KCNJ6: variants seen among roughly 807,000 people sequenced by gnomAD.
KCNJ6 encodes potassium inwardly rectifying channel subfamily J member 6, also known as G protein-activated inward rectifier potassium channel 2.
In KCNJ6, 9 loss-of-function variants were observed where a neutral mutation model predicts 34.2. The ratio of observed to expected loss-of-function variants is 0.26; its 90% CI spans 0.16 to 0.46. The LOEUF (loss-of-function observed/expected upper bound fraction) is 0.46, where lower values mean the gene tolerates loss of function less well. Among genes scored for constraint, KCNJ6 ranks in the 20% least tolerant of loss-of-function variants. KCNJ6 has a pLI of 1.00. For synonymous variants in KCNJ6, 196 were observed against 207.1 expected (o/e 0.95, Z 0.46); for missense variants, 236 against 531.3 (o/e 0.44, Z 5.46).
At chr21:37,810,761 G>T (rs1051789474) in intron 2 of KCNJ6, among the ~76,000 whole-genome samples, 8 of 152,146 alleles carry the variant, frequency 5.3e-5, no homozygotes, top group Non-Finnish European at 1.0e-4. Flanking sequence ...TTTATAATAA[G>T]ATATACATAT....
At chr21:37,759,996 C>T (rs1207678246) in intron 2 of KCNJ6, among the ~76,000 whole-genome samples, 1 of 152,200 alleles carries the variant, frequency 6.6e-6, no homozygotes, top group African/African-American at 2.4e-5. Context: ...CCCAGAGGCC[C>T]ATGTCAGAAG....
chr21:37,752,514 AG>A lies in KCNJ6; in HGVS notation c.26-37384del, dbSNP rs201003264. 6.1e-4 allele frequency among the ~76,000 whole-genome samples: 93 copies of A among 152,298 alleles called. 2 individuals carry two copies. In the East Asian group the frequency reaches 0.017, roughly 27 times the overall value. On this transcript the variant is annotated intron_variant, in intron 2 of 3. Transcript: ENST00000609713. ...ATACAGAGGGAAGGCATTAAGCAGA[AG>A]CTTTTAAGGAGAGGGAAAGAGAGGA... is the stretch of plus-strand genomic sequence containing the variant.
At chr21:37,656,292 C>T (rs1041818569) in intron 3 of KCNJ6, among the ~76,000 whole-genome samples, 3 of 152,202 alleles carry the variant, frequency 2.0e-5, no homozygotes, top group Non-Finnish European at 4.4e-5. Flanking sequence ...TCTTGACAAG[C>T]TCCTCACACA....
chr21:37,651,665 C>G (rs1186221100), intron 3 of KCNJ6, among the ~76,000 whole-genome samples: 1 of 152,188 alleles, frequency 6.6e-6, no homozygotes, highest in African/African-American at 2.4e-5. Context: ...GGTTTCTGGA[C>G]TGAGCACCTG....
At chr21:37,687,221 G>A (rs930700049) in intron 3 of KCNJ6, among the ~76,000 whole-genome samples, 1 of 152,086 alleles carries the variant, frequency 6.6e-6, no homozygotes, top group African/African-American at 2.4e-5. Context: ...GAAAGGCTAA[G>A]GGTAGCGTCC....
chr21:37,801,463 G>A (rs1378569473), intron 2 of KCNJ6, among the ~76,000 whole-genome samples: 3 of 152,186 alleles, frequency 2.0e-5, no homozygotes, highest in Non-Finnish European at 4.4e-5. Flanking sequence ...TGCTTGCCAT[G>A]CACAACTGCA....
At chr21:37,876,201 C>G (rs975796425) in intron 1 of KCNJ6, among the ~76,000 whole-genome samples, 1 of 152,198 alleles carries the variant, frequency 6.6e-6, no homozygotes, top group Non-Finnish European at 1.5e-5. Flanking sequence ...CTGTGCCAGG[C>G]TCTAAGGTAC....
chr21:37,827,127 T>C (rs2055402863), intron 2 of KCNJ6, among the ~76,000 whole-genome samples: 1 of 152,174 alleles, frequency 6.6e-6, no homozygotes, highest in Non-Finnish European at 1.5e-5. Context: ...AAAATATCCC[T>C]AGCAACTAAG....
intron 2 of KCNJ6, among the ~76,000 whole-genome samples, chr21:37,816,093 C>G (rs529841378): frequency 2.0e-5 from 3 of 152,118 alleles, no homozygotes; most frequent in Admixed American, 6.5e-5. Flanking sequence ...ATGCAGGGGC[C>G]GAGACCAGAG....
intron 3 of KCNJ6, among the ~76,000 whole-genome samples, chr21:37,649,132 C>CAAAAAAAAAAA (rs1169306298): frequency 5.3e-4 from 21 of 39,874 alleles, no homozygotes; most frequent in Admixed American, 8.2e-4. Flanking sequence ...GACTCCATCT[C>CAAAAAAAAAAA]AAAAAAAAAA....
At chr21:37,705,684 A>T (rs770679397) in intron 3 of KCNJ6, among the ~76,000 whole-genome samples, 1 of 152,234 alleles carries the variant, frequency 6.6e-6, no homozygotes, top group Non-Finnish European at 1.5e-5. Context: ...ATACTCAATC[A>T]CAGGGATAGT....
intron 3 of KCNJ6, among the ~76,000 whole-genome samples, chr21:37,647,831 A>G (rs1277084648): frequency 6.6e-6 from 1 of 152,150 alleles, no homozygotes; most frequent in Non-Finnish European, 1.5e-5. Flanking sequence ...TGTGGCCCCG[A>G]CTTTGGGAAC....
At chr21:37,726,001 G>A (rs2054852507) in intron 2 of KCNJ6, among the ~76,000 whole-genome samples, 1 of 152,180 alleles carries the variant, frequency 6.6e-6, no homozygotes, top group African/African-American at 2.4e-5. Flanking sequence ...TGCCTCCCGG[G>A]TTCAAGCAAT....
intron 2 of KCNJ6, among the ~76,000 whole-genome samples, chr21:37,813,988 A>G (rs2055334614): frequency 6.6e-6 from 1 of 152,228 alleles, no homozygotes; most frequent in Non-Finnish European, 1.5e-5. Context: ...AGGAGAAAAT[A>G]TGTGAAAACT....
chr21:37,640,554 G>A (rs1037955981), intron 3 of KCNJ6, among the ~76,000 whole-genome samples: 4 of 152,220 alleles, frequency 2.6e-5, no homozygotes, highest in African/African-American at 9.6e-5. Context: ...GATCAATAGC[G>A]TTTGTCCCTT....
intron 2 of KCNJ6, among the ~76,000 whole-genome samples, chr21:37,815,532 A>T (rs1388265453): frequency 1.3e-5 from 2 of 152,152 alleles, no homozygotes; most frequent in Non-Finnish European, 2.9e-5. Flanking sequence ...CCCACAAGTG[A>T]CTCGGGGCAG....
At chr21:37,857,247 C>T (rs1026667120) in intron 1 of KCNJ6, among the ~76,000 whole-genome samples, 1 of 152,122 alleles carries the variant, frequency 6.6e-6, no homozygotes, top group Non-Finnish European at 1.5e-5. Flanking sequence ...TTACATGCAG[C>T]AGAAATTGGG....
intron 2 of KCNJ6, chr21:37,719,569 G>A (rs932141240): frequency 2.0e-5 from 3 of 152,288 alleles, no homozygotes; most frequent in East Asian, 3.9e-4. Flanking sequence ...AAAGAATGGC[G>A]CTGAGAACTT....
intron 2 of KCNJ6, among the ~76,000 whole-genome samples, chr21:37,792,768 GT>G (rs1181572391): frequency 6.6e-6 from 1 of 152,188 alleles, no homozygotes; most frequent in Non-Finnish European, 1.5e-5. Flanking sequence ...ATCAAGGGGC[GT>G]TTTCCAGTAA....
Sources: gnomAD v4.1 joint callset for allele counts (sites outside exome capture counted in the v4.1 genomes callset) on GRCh38, gnomAD v4.1.1 for gene constraint, MANE v1.5 for transcripts, NCBI Gene and HGNC (gene_info 2026-07-23, HGNC 2026-07-21) for gene names.